ARMC9: variants seen among roughly 807,000 people sequenced by gnomAD.
ARMC9 encodes armadillo repeat containing 9.
In ARMC9, 94 loss-of-function variants were observed where a neutral mutation model predicts 107.0. The observed-to-expected ratio is 0.88, with a 90% CI of 0.74 to 1.04. The LOEUF is 1.04. ARMC9 is among the 50% of genes least tolerant of loss of function. ARMC9 has a pLI of 0.00. For synonymous variants in ARMC9, 380 were observed against 396.9 expected, an observed-to-expected ratio of 0.96 and a Z score of 0.51; for missense variants, 942 against 1,030.1, an observed-to-expected ratio of 0.91 and a Z score of 1.17.
intron 19 of ARMC9, among the ~76,000 whole-genome samples, chr2:231,328,871 A>G (rs1392091116): frequency 2.8e-5 from 4 of 140,770 alleles, no homozygotes; most frequent in African/African-American, 7.9e-5. Flanking sequence ...CTGGAGTGCA[A>G]TGGGACAATC....
At chr2:231,275,949 G>A (rs545627101) in intron 14 of ARMC9, among the ~76,000 whole-genome samples, 5 of 151,986 alleles carry the variant, frequency 3.3e-5, no homozygotes, top group East Asian at 1.9e-4. Context: ...GCAAAACTCC[G>A]TCTCAGGAAA....
At chr2:231,203,436 G>A (rs748328084) in intron 1 of ARMC9, among the ~76,000 whole-genome samples, 1 of 152,106 alleles carries the variant, frequency 6.6e-6, no homozygotes, top group Non-Finnish European at 1.5e-5. Flanking sequence ...GGCCCCTCTT[G>A]CTTATCCAAA....
chr2:231,293,815 A>G (rs2041184822), intron 18 of ARMC9: 1 of 152,246 alleles, frequency 6.6e-6, no homozygotes, highest in Non-Finnish European at 1.5e-5. Flanking sequence ...ACTTTGAAAC[A>G]AAATTTTACA....
intron 19 of ARMC9, among the ~76,000 whole-genome samples, chr2:231,314,182 T>TG (rs1423610023): frequency 6.6e-6 from 1 of 151,798 alleles, no homozygotes; most frequent in Non-Finnish European, 1.5e-5. Flanking sequence ...CAGGTTCAAG[T>TG]GATTCTCCTG....
intron 21 of ARMC9, among the ~76,000 whole-genome samples, chr2:231,346,947 T>C (rs1446891545): frequency 6.6e-6 from 1 of 152,200 alleles, no homozygotes; most frequent in Non-Finnish European, 1.5e-5. Flanking sequence ...CTTAAAAGTA[T>C]TTTTCAATTA....
intron 19 of ARMC9, among the ~76,000 whole-genome samples, chr2:231,322,612 G>A (rs2043060804): frequency 6.6e-6 from 1 of 152,176 alleles, no homozygotes; most frequent in African/African-American, 2.4e-5. Flanking sequence ...AAAGCCTCCA[G>A]TTAAGCATCT....
chr2:231,238,005 T>C (rs1343196743), intron 8 of ARMC9, among the ~76,000 whole-genome samples: 2 of 151,908 alleles, frequency 1.3e-5, no homozygotes, highest in East Asian at 1.9e-4. Flanking sequence ...ACCTGAAAAG[T>C]ATCCAGTGTT....
chr2:231,366,799 C>T (rs2125598191), intron 23 of ARMC9, among the ~76,000 whole-genome samples: 1 of 150,854 alleles, frequency 6.6e-6, no homozygotes, highest in East Asian at 2.0e-4. Flanking sequence ...CAAGATCATG[C>T]CACTGCACTC....
chr2:231,357,643 G>A (rs1287419221), intron 22 of ARMC9, among the ~76,000 whole-genome samples: 2 of 152,306 alleles, frequency 1.3e-5, no homozygotes, highest in Admixed American at 1.3e-4. Flanking sequence ...GCAGTGGCCA[G>A]TCATAGCTCA....
At chr2:231,355,762 G>T in intron 21 of ARMC9, 36 bp from the exon 22 acceptor site, 1 of 1,516,072 alleles carries the variant, frequency 6.6e-7, no homozygotes, top group Non-Finnish European at 8.8e-7. Context: ...CTCCTGGCTG[G>T]CTGTACTCAC....
intron 3 of ARMC9, among the ~76,000 whole-genome samples, chr2:231,211,399 G>A (rs1218668465): frequency 2.6e-5 from 4 of 151,902 alleles, no homozygotes; most frequent in Non-Finnish European, 4.4e-5. Context: ...GGGCATAGTG[G>A]CAGGCACCTG....
intron 3 of ARMC9, among the ~76,000 whole-genome samples, chr2:231,211,561 C>T (rs1429374805): frequency 6.6e-6 from 1 of 151,524 alleles, no homozygotes; most frequent in Non-Finnish European, 1.5e-5. Flanking sequence ...CTGCAGTGAA[C>T]GTGGGTGTGC....
rs1041115953 is a variant in ARMC9 at position 231,204,531 on chromosome 2, C to T, written c.-41-1667C>T. On this transcript the variant is annotated intron_variant, in intron 1 of 24. Coordinates refer to ENST00000611582, the MANE Select transcript of ARMC9 (RefSeq NM_001352754.2). ...CCTTCAGGTTCTGTCCCTTTCCTTG[C>T]GCTGTTTTCTTCATGTCTGGAATCA... 4.6e-5 allele frequency among the ~76,000 whole-genome samples: 7 copies of T among 152,112 alleles called. No individual in the cohort carries two copies. The South Asian group carries it at 6.2e-4, about 13-fold the overall frequency.
chr2:231,278,545 C>A, intron 16 of ARMC9, 87 bp downstream of exon 16: 1 of 1,200,180 alleles, frequency 8.3e-7, no homozygotes, highest in Non-Finnish European at 1.2e-6. Flanking sequence ...ACAGCTGGCC[C>A]AGGATGGTTG....
rs1305584229 is a variant in ARMC9, at chr2:231,361,504, G to GA, written c.2261+632dup. ...GAAAAAACTGGACCCCCGAGCAGAA[G>GA]AAAAAAAAAAATAGTGTCCTCTCTT... On this transcript the variant is annotated intron_variant, in intron 23 of 24. Transcript: ENST00000611582. Among the ~76,000 whole-genome samples the GA allele has an allele frequency of 4.7e-4, 65 of 137,794 alleles. 1 individual carries two copies. The highest frequency in any genetic ancestry group is 7.1e-4 in the Admixed American group (10 of 14,114). 90.4% of individuals were successfully genotyped at this position (137,794 alleles called of 152,430 possible).
At chr2:231,229,147 C>T (rs949119347) in intron 7 of ARMC9, among the ~76,000 whole-genome samples, 17 of 151,920 alleles carry the variant, frequency 1.1e-4, no homozygotes, top group Non-Finnish European at 2.5e-4. Flanking sequence ...GCATCTGTGG[C>T]GGAGTGAACT....
chr2:231,245,357 T>C (rs1380776967), intron 9 of ARMC9, among the ~76,000 whole-genome samples: 1 of 152,186 alleles, frequency 6.6e-6, no homozygotes, highest in Non-Finnish European at 1.5e-5. Flanking sequence ...GGTGTGTTCG[T>C]TTGCAGGGAA....
rs1236933351 is a variant in ARMC9 at position 231,230,574 on chromosome 2, G to A, written c.622+3776G>A. Among the ~76,000 whole-genome samples, 4 of 152,146 alleles carry A rather than the reference G, an allele frequency of 2.6e-5. No homozygotes were observed. The East Asian group carries it at 7.7e-4, about 29-fold the overall frequency. ...TGCAAGGTGATGTCTCTGGGTAGCA[G>A]CCTCTCCTCCTAAGGAGTATACAGT... On this transcript the variant is annotated intron_variant, in intron 7 of 24. Transcript: ENST00000611582.
chr2:231,213,538 G>A (rs867319981), intron 3 of ARMC9, among the ~76,000 whole-genome samples: 5 of 150,496 alleles, frequency 3.3e-5, no homozygotes, highest in Admixed American at 1.3e-4. Flanking sequence ...GTGCAGTGGC[G>A]CAATCTCGGC....
Sources: gnomAD v4.1 joint callset for allele counts (sites outside exome capture counted in the v4.1 genomes callset) on GRCh38, gnomAD v4.1.1 for gene constraint, MANE v1.5 for transcripts, NCBI Gene and HGNC (gene_info 2026-07-23, HGNC 2026-07-21) for gene names.